The following CENPF variants were observed in gnomAD, a reference collection of about 807,000 sequenced individuals.
CENPF encodes AH antigen.
CENPF carries 214 observed loss-of-function variants against 307.3 expected under a neutral mutation model. The observed-to-expected ratio is 0.70, with a 90% confidence interval of 0.62 to 0.78. The LOEUF is 0.78. Ranked by LOEUF, CENPF falls within the 30% of genes least tolerant of loss-of-function variation. The pLI, the probability that CENPF is intolerant of heterozygous loss-of-function variation, is 0.00. For synonymous variants in CENPF, 1,259 were observed against 1,270.6 expected, an observed-to-expected ratio of 0.99 and a Z score of 0.19; for missense variants, 3,401 against 3,483.9, an observed-to-expected ratio of 0.98 and a Z score of 0.60.
At position 214,652,921 on chromosome 1, in the gene CENPF, A is replaced by C; in HGVS notation, c.8254A>C (p.Ser2752Arg). ...QKLEIDLLKS[S>R]KEELNNSLKA... is the part of the protein sequence containing the mutation. ...GCTGGAGATAGACCTTTTAAAGTCTAGTAAAGAAGAGCTCAATAATTCATT... is the reference window on the plus strand; with the variant it reads ...GCTGGAGATAGACCTTTTAAAGTCTCGTAAAGAAGAGCTCAATAATTCATT... Residue 2752 changes from serine to arginine, a missense_variant, in exon 16 of 20, where the codon AGT (serine) becomes CGT (arginine). Physicochemically the swap from Ser to Arg is moderately radical, Grantham distance 110. Transcript: ENST00000366955. 6.2e-7 allele frequency: 1 copy of C among 1,608,062 alleles called. No homozygotes were observed. Among genetic ancestry groups the C allele is most frequent in the South Asian group, 1.1e-5 (1 of 89,272 alleles).
chr1:214,603,569 T>G lies in CENPF; in HGVS notation c.-42+248T>G, dbSNP rs1423469377. 6 of 152,202 alleles carry G rather than the reference T, an allele frequency of 3.9e-5. No homozygotes were observed. In the East Asian group the frequency reaches 1.2e-3, roughly 29 times the overall value. 9.4% of individuals were successfully genotyped at this position (152,202 alleles called of 1,614,324 possible). A position where few individuals can be genotyped will look rare whatever the true frequency, so the allele number is the denominator to read the frequency against. The stretch of plus-strand genomic sequence containing the variant: ...CGGGTTCAAACTGGTCTCGGATTAG[T>G]GTCCCAGACCCTACTCGGTCACGGA... On this transcript the variant is annotated intron_variant, in intron 1 of 19. Transcript: ENST00000366955.
In CENPF at chr1:214,643,119, A is replaced by G; in HGVS notation, c.4781A>G (p.Glu1594Gly). 6.2e-7 allele frequency: 1 copy of G among 1,601,866 alleles called. No homozygotes were observed. The highest frequency in any genetic ancestry group is 8.5e-7 in the Non-Finnish European group (1 of 1,176,496). The change falls in exon 12 of 20, where the codon GAG becomes GGG. Residue 1594 changes from glutamate (E) to glycine (G), a missense_variant. Transcript: ENST00000366955. ...CAGTTATTAAGTTCTGAAAGGCAAG[A>G]GCTTGACTGCCTTAGGAAGCAGTAT... is the stretch of plus-strand genomic sequence containing the variant. ...LEQLLSSERQ[E>G]LDCLRKQYLS... is the part of the protein sequence containing the mutation.
chr1:214,641,682 C>G lies in CENPF; in HGVS notation c.3344C>G (p.Thr1115Arg). The G allele has an allele frequency of 6.3e-7, 1 of 1,580,422 alleles. No individual in the cohort carries two copies. The stretch of plus-strand genomic sequence containing the variant: ...CAGCAAGCTCTGAGATCTGAGATGA[C>G]AGATAACCAAAACAATTCTAAGAGC... ...TVQQALRSEM[T>R]DNQNNSKSEA... The change falls in exon 12 of 20, where the codon ACA becomes AGA. Residue 1115 changes from threonine (T) to arginine (R), a missense_variant. Transcript: ENST00000366955.
At chr1:214,612,629 T>C (rs946031881) in intron 1 of CENPF, among the ~76,000 whole-genome samples, 2 of 152,176 alleles carry the variant, frequency 1.3e-5, no homozygotes, top group African/African-American at 2.4e-5. Context: ...TTATGTGATA[T>C]GTCTTTTCAC....
chr1:214,625,602 A>G (rs1657632197), intron 7 of CENPF, among the ~76,000 whole-genome samples: 1 of 151,828 alleles, frequency 6.6e-6, no homozygotes, highest in South Asian at 2.1e-4. Context: ...TAAGTCTGCC[A>G]TTTTATTTTT....
intron 13 of CENPF, among the ~76,000 whole-genome samples, chr1:214,647,629 C>G (rs898683345): frequency 6.6e-6 from 1 of 152,300 alleles, no homozygotes; most frequent in African/African-American, 2.4e-5. Flanking sequence ...TGGATTGGAC[C>G]AGGTTTTTAA....
Position 214,646,362 on chromosome 1 carries a change from G to A in CENPF, c.6792G>A (p.Gln2264=), listed in dbSNP as rs765671527. 2.5e-5 allele frequency: 40 copies of A among 1,613,946 alleles called. No homozygotes were observed. Among genetic ancestry groups the A allele is most frequent in the Non-Finnish European group, 2.4e-5 (28 of 1,180,012 alleles). ...CTGCAGTGGAGATGCTTCAGAATCA[G>A]TTAAAGGAGCTAAATGAGGCAGTAG... ...SKTAVEMLQN[Q]LKELNEAVAA... Residue 2264 remains glutamine, a synonymous_variant, in exon 13 of 20, where the codon CAG becomes CAA. Transcript: ENST00000366955.
At position 214,619,152 on chromosome 1, in the gene CENPF, GA is replaced by G; in HGVS notation, c.510del (p.Lys170AsnfsTer12). The part of the protein sequence containing the change: ...YSGSKYEDLK[E>X]KYNKEVEERK... The stretch of plus-strand genomic sequence containing the variant: ...AGGTTCCAAGTATGAAGATCTAAAA[GA>G]AAAATATAATAAAGAGGTTGAAGAA... On this transcript the variant is annotated frameshift_variant, in exon 5 of 20. Coordinates refer to ENST00000366955, the MANE Select transcript of CENPF (RefSeq NM_016343.4). LOFTEE classifies it high-confidence loss of function. 1 of 1,561,122 alleles carries G rather than the reference GA, an allele frequency of 6.4e-7. No individual in the cohort carries two copies. The highest frequency in any genetic ancestry group is 8.8e-7 in the Non-Finnish European group (1 of 1,138,002).
At chr1:214,619,105 C>A (rs1657436302) in intron 4 of CENPF, 24 bp from the exon 5 acceptor site, 2 of 1,157,762 alleles carry the variant, frequency 1.7e-6, no homozygotes, top group South Asian at 2.6e-5. Flanking sequence ...TGAAAGAAAA[C>A]TGTATTTGAT....
rs1471717737 is a variant in CENPF at position 214,660,619 on chromosome 1, T to C, written c.9141+1591T>C. Among the ~76,000 whole-genome samples the C allele has an allele frequency of 2.0e-5, 3 of 152,132 alleles. No individual in the cohort carries two copies. The East Asian group carries it at 5.8e-4, about 29-fold the overall frequency. On this transcript the variant is annotated intron_variant, in intron 19 of 19. Coordinates refer to ENST00000366955, the MANE Select transcript of CENPF (RefSeq NM_016343.4). Reference sequence around the variant, plus strand: ...TAGGGTCCCGATATGGGCCATACCATTTTCTCAGAAGGGTGACTGGGAGCC... The same window carrying C: ...TAGGGTCCCGATATGGGCCATACCACTTTCTCAGAAGGGTGACTGGGAGCC...
intron 1 of CENPF, among the ~76,000 whole-genome samples, chr1:214,607,002 C>T (rs1657052343): frequency 6.6e-6 from 1 of 152,214 alleles, no homozygotes; most frequent in African/African-American, 2.4e-5. Flanking sequence ...CAGGGCTGTC[C>T]CCCTCCCTGG....
intron 19 of CENPF, among the ~76,000 whole-genome samples, chr1:214,660,161 TTGA>T (rs1477777458): frequency 6.6e-6 from 1 of 152,220 alleles, no homozygotes; most frequent in Non-Finnish European, 1.5e-5. Flanking sequence ...TTTCTTTTTG[TTGA>T]TGTATAAGAG....
At chr1:214,610,270 C>A (rs935782824) in intron 1 of CENPF, among the ~76,000 whole-genome samples, 19 of 152,258 alleles carry the variant, frequency 1.2e-4, no homozygotes, top group East Asian at 1.2e-3. Flanking sequence ...AATTGCCATA[C>A]TGCTTTCCAC....
At chr1:214,615,123 G>A (rs1211941003) in intron 3 of CENPF, 95 bp downstream of exon 3, 1 of 847,886 alleles carries the variant, frequency 1.2e-6, no homozygotes, top group East Asian at 3.0e-5. Flanking sequence ...ATTATACTTT[G>A]CAATTTTTTT....
Position 214,646,605 on chromosome 1 carries a change from A to G in CENPF, c.7035A>G (p.Leu2345=), listed in dbSNP as rs1658311695. 1.9e-6 allele frequency: 3 copies of G among 1,613,984 alleles called. No homozygotes were observed. The highest frequency in any genetic ancestry group is 8.5e-7 in the Non-Finnish European group (1 of 1,179,984). The change falls in exon 13 of 20, where the codon CTA becomes CTG. Residue 2345 remains leucine, a synonymous_variant. Coordinates refer to ENST00000366955, the MANE Select transcript of CENPF (RefSeq NM_016343.4). ...KGRVENLERE[L]EIARTNQEHA... ...GAGTGGAGAACCTTGAAAGAGAGCT[A>G]GAGATAGCCAGGACAAACCAAGAGC...
rs148637528 is a variant in CENPF, at chr1:214,663,650, G to A, written c.9201G>A (p.Thr3067=). The change falls in exon 20 of 20, where the codon ACG becomes ACA. Residue 3067 remains threonine (T), a synonymous_variant. Transcript: ENST00000366955. ...GCACCATCCTCCGAGAACCCACCAC[G>A]AAATCCGTCCCAGTCAATAATCTTC... ...DSGTILREPT[T]KSVPVNNLPE... The A allele has an allele frequency of 4.7e-5, 76 of 1,614,052 alleles. No homozygotes were observed. The African/African-American group carries it at 8.8e-4, about 19-fold the overall frequency.
rs755220921 is a variant in CENPF, at chr1:214,619,133, C to T, written c.486C>T (p.Ser162=). ...PLTPSQYYSG[S]KYEDLKEKYN... ...TATTTGATTGTCTGTTTCTAGGTTC[C>T]AAGTATGAAGATCTAAAAGAAAAAT... The change falls in exon 5 of 20, where the codon TCC becomes TCT. Residue 162 remains serine, a synonymous_variant. Transcript: ENST00000366955. The T allele has an allele frequency of 2.8e-5, 41 of 1,442,544 alleles. No individual in the cohort carries two copies. The highest frequency in any genetic ancestry group is 7.4e-5 in the Admixed American group (4 of 54,360). The allele number at this position is 1,442,544 out of a possible 1,614,324, so 89.4% of individuals were successfully genotyped here.
At position 214,640,619 on chromosome 1, in the gene CENPF, G is replaced by C. The variant is rs543143141; in HGVS notation, c.2281G>C (p.Glu761Gln). The change falls in exon 12 of 20, where the codon GAG becomes CAG. Residue 761 changes from glutamate (E) to glutamine (Q), a missense_variant. Transcript: ENST00000366955. ...RCYQDLHAEY[E>Q]SLRDLLKSKD... ...TTACCAAGACTTGCATGCCGAATAT[G>C]AGAGCCTCAGGGATCTGCTAAAATC... is the stretch of plus-strand genomic sequence containing the variant. 7 of 1,614,116 alleles carry C rather than the reference G, an allele frequency of 4.3e-6. No homozygotes were observed. The Admixed American group carries it at 5.0e-5, about 12-fold the overall frequency.
In CENPF at chr1:214,651,334, A is replaced by G. The variant is rs77778646; in HGVS notation, c.7984-376A>G. Among the ~76,000 whole-genome samples, 1,252 of 152,212 alleles carry G rather than the reference A, an allele frequency of 8.2e-3. 23 individuals carry two copies. Among genetic ancestry groups the G allele is most frequent in the African/African-American group, 0.027 (1,109 of 41,540 alleles). On this transcript the variant is annotated intron_variant, in intron 14 of 19. Coordinates refer to ENST00000366955, the MANE Select transcript of CENPF (RefSeq NM_016343.4). ...GGAAGAAAATGCAAGTCCGGAGGGG[A>G]TTTGGTGTGAAGATGGTAGTGGTTC...
Sources: gnomAD v4.1 joint callset for allele counts (sites outside exome capture counted in the v4.1 genomes callset) on GRCh38, gnomAD v4.1.1 for gene constraint, MANE v1.5 for transcripts, NCBI Gene and HGNC (gene_info 2026-07-23, HGNC 2026-07-21) for gene names.